The following TAF2 variants were observed in gnomAD, a reference collection of about 807,000 sequenced individuals.
The protein encoded by TAF2 is transcription initiation factor TFIID subunit 2.
In TAF2, 61 loss-of-function variants were observed where a neutral mutation model predicts 138.5. The observed-to-expected ratio is 0.44, with a 90% confidence interval of 0.36 to 0.54. TAF2 has a LOEUF of 0.54. Ranked by LOEUF, TAF2 falls within the 20% of genes least tolerant of loss-of-function variation. The pLI is 0.00. For synonymous variants in TAF2, 475 were observed against 469.9 expected (o/e 1.01, Z -0.14); for missense variants, 1,090 against 1,427.9 (o/e 0.76, Z 3.81).
intron 22 of TAF2, among the ~76,000 whole-genome samples, chr8:119,755,612 C>T (rs1028537665): frequency 5.9e-5 from 9 of 152,124 alleles, no homozygotes; most frequent in Admixed American, 2.6e-4. Context: ...TCTATATGCA[C>T]TACCTGCCTC....
rs146723260 is a variant in TAF2, at chr8:119,775,618, G to A, written c.2364+2401C>T. Among the ~76,000 whole-genome samples, 1,069 of 152,070 alleles carry A rather than the reference G, an allele frequency of 7.0e-3. 16 individuals are homozygous for A. The highest frequency in any genetic ancestry group is 0.024 in the African/African-American group (1,015 of 41,484). Reference sequence around the variant, plus strand: ...CTTGGGAGGCTGAGGCAGGAGAATCGCTTGAACCTGGGAGGTGGAGGTTGC... The same window carrying A: ...CTTGGGAGGCTGAGGCAGGAGAATCACTTGAACCTGGGAGGTGGAGGTTGC... On this transcript the variant is annotated intron_variant, in intron 18 of 25. Transcript: ENST00000378164.
chr8:119,750,688 G>C (rs1055531790), intron 22 of TAF2, among the ~76,000 whole-genome samples: 1 of 152,042 alleles, frequency 6.6e-6, no homozygotes, highest in African/African-American at 2.4e-5. Flanking sequence ...GAGAGAGACG[G>C]TGGGACAGAG....
intron 2 of TAF2, 33 bp downstream of exon 2, chr8:119,831,644 G>C: frequency 6.6e-7 from 1 of 1,520,522 alleles, no homozygotes; most frequent in Non-Finnish European, 9.1e-7. Context: ...TAGTGGACTT[G>C]TTACTATTTA....
In TAF2 at chr8:119,731,947, G is replaced by A. The variant is rs779836674; in HGVS notation, c.3577C>T (p.Arg1193Cys). Residue 1193 changes from arginine to cysteine, a missense_variant, in exon 26 of 26, where the codon CGT becomes TGT. Coordinates refer to ENST00000378164, the MANE Select transcript of TAF2 (RefSeq NM_003184.4). ...FSSPASGRSI[R>C]SPSLSD ...TCTCAGTCTGAAAGGGAAGGAGAAC[G>A]AATAGACCTGCCACTGGCAGGGCTG... The A allele has an allele frequency of 1.2e-5, 19 of 1,614,028 alleles. No homozygotes were observed. Among genetic ancestry groups the A allele is most frequent in the South Asian group, 6.6e-5 (6 of 91,074 alleles).
intron 18 of TAF2, among the ~76,000 whole-genome samples, chr8:119,765,148 C>T (rs1485762561): frequency 2.6e-5 from 4 of 151,664 alleles, no homozygotes; most frequent in South Asian, 4.2e-4. Flanking sequence ...TAAATAGTAG[C>T]CAGATAATGA....
At chr8:119,804,580 C>T (rs1223304418) in intron 4 of TAF2, among the ~76,000 whole-genome samples, 1 of 152,082 alleles carries the variant, frequency 6.6e-6, no homozygotes, top group African/African-American at 2.4e-5. Context: ...CTCTCTCTCT[C>T]TTTTTGCTGG....
Position 119,806,274 on chromosome 8 carries a change from G to T in TAF2, c.418+9C>A, listed in dbSNP as rs755431900. 1.2e-6 allele frequency: 2 copies of T among 1,606,204 alleles called. No homozygotes were observed. The highest frequency in any genetic ancestry group is 1.3e-5 in the African/African-American group (1 of 74,736). On this transcript the variant is annotated intron_variant, in intron 4 of 25. Coordinates refer to ENST00000378164, the MANE Select transcript of TAF2 (RefSeq NM_003184.4). ...TTAGTGTACAGTCAATATACTCTTG[G>T]TGCTTTACCATCAACGTGTTTCCAT... is the stretch of plus-strand genomic sequence containing the variant.
intron 2 of TAF2, among the ~76,000 whole-genome samples, chr8:119,822,220 T>C (rs986903998): frequency 2.0e-5 from 3 of 150,820 alleles, no homozygotes; most frequent in African/African-American, 7.3e-5. Flanking sequence ...ACTCTTGCCT[T>C]TTTTTTTTCT....
chr8:119,791,557 A>T, intron 10 of TAF2, 98 bp from the exon 11 acceptor site: 1 of 1,385,196 alleles, frequency 7.2e-7, no homozygotes, highest in Non-Finnish European at 9.8e-7. Context: ...AAAAAACCTC[A>T]GGAGAATATA....
At chr8:119,826,244 A>G (rs1826091115) in intron 2 of TAF2, among the ~76,000 whole-genome samples, 1 of 151,688 alleles carries the variant, frequency 6.6e-6, no homozygotes. Flanking sequence ...CATGTAACCC[A>G]GAACTTAAAG....
At chr8:119,778,350 C>T (rs915239531) in intron 17 of TAF2, among the ~76,000 whole-genome samples, 18 of 152,312 alleles carry the variant, frequency 1.2e-4, no homozygotes, top group African/African-American at 3.6e-4. Flanking sequence ...AGTTCCATGA[C>T]TGCACATCAC....
rs1587626590 is a variant in TAF2 at position 119,731,800 on chromosome 8, T to C, written c.*124A>G. ...ATCAAATGCTTAGAACTTAAATGAA[T>C]TCAGAATTTCTGTAGGAGAGGCGAA... On this transcript the variant is annotated 3_prime_UTR_variant, in exon 26 of 26. Transcript: ENST00000378164. The C allele has an allele frequency of 3.2e-6, 3 of 936,920 alleles. No individual in the cohort carries two copies. Among genetic ancestry groups the C allele is most frequent in the Non-Finnish European group, 5.2e-6 (3 of 580,116 alleles). The allele number at this position is 936,920 out of a possible 1,614,324, so 58.0% of individuals were successfully genotyped here. A position where few individuals can be genotyped will look rare whatever the true frequency, so the allele number is the denominator to read the frequency against.
intron 18 of TAF2, among the ~76,000 whole-genome samples, chr8:119,774,461 T>C (rs560858884): frequency 1.9e-3 from 282 of 149,286 alleles, no homozygotes; most frequent in Middle Eastern, 3.5e-3. Flanking sequence ...ATTCATAAAC[T>C]TCCTTAAAAT....
chr8:119,773,404 T>C (rs1315593726), intron 18 of TAF2, among the ~76,000 whole-genome samples: 1 of 151,594 alleles, frequency 6.6e-6, no homozygotes, highest in Non-Finnish European at 1.5e-5. Flanking sequence ...GCTACAATTA[T>C]TTTCCCAACC....
At chr8:119,742,410 A>C in intron 25 of TAF2, 124 bp downstream of exon 25, 2 of 1,286,524 alleles carry the variant, frequency 1.6e-6, no homozygotes, top group Non-Finnish European at 2.1e-6. Flanking sequence ...AATGTATTAC[A>C]AGAAAAGCCA....
At chr8:119,777,938 C>T in intron 18 of TAF2, 81 bp downstream of exon 18, 2 of 725,368 alleles carry the variant, frequency 2.8e-6, no homozygotes, top group Non-Finnish European at 4.6e-6. Flanking sequence ...AACAAAATAC[C>T]ATTGGGTAGT....
intron 23 of TAF2, among the ~76,000 whole-genome samples, chr8:119,745,538 A>G (rs1819901958): frequency 6.6e-6 from 1 of 152,190 alleles, no homozygotes; most frequent in African/African-American, 2.4e-5. Context: ...ATTACTAACT[A>G]GCATAGAGAG....
intron 5 of TAF2, among the ~76,000 whole-genome samples, chr8:119,802,864 T>A (rs574323637): frequency 6.6e-6 from 1 of 152,114 alleles, no homozygotes; most frequent in Admixed American, 6.5e-5. Flanking sequence ...TGAGCCGAGA[T>A]TGCATGAGCC....
In TAF2 at chr8:119,821,857, C is replaced by G. The variant is rs188029227; in HGVS notation, c.139-2351G>C. ...TTCAGAACCAGCCTGGTCAACATAG[C>G]AAGACCCTATCTGTACATAAACTAT... On this transcript the variant is annotated intron_variant, in intron 2 of 25. Coordinates refer to ENST00000378164, the MANE Select transcript of TAF2 (RefSeq NM_003184.4). Among the ~76,000 whole-genome samples, 303 of 152,172 alleles carry G rather than the reference C, an allele frequency of 2.0e-3. 2 individuals carry two copies. The highest frequency in any genetic ancestry group is 6.0e-3 in the African/African-American group (249 of 41,538).
Sources: gnomAD v4.1 joint callset for allele counts (sites outside exome capture counted in the v4.1 genomes callset) on GRCh38, gnomAD v4.1.1 for gene constraint, MANE v1.5 for transcripts, NCBI Gene and HGNC (gene_info 2026-07-23, HGNC 2026-07-21) for gene names.